Variants in PPP2R1B observed in about 807,000 individuals in gnomAD.
PPP2R1B encodes the protein serine/threonine-protein phosphatase 2A 65 kDa regulatory subunit A beta isoform.
A neutral mutation model predicts 72.7 loss-of-function variants in PPP2R1B; 58 were observed. The ratio of observed to expected loss-of-function variants is 0.80; its 90% CI spans 0.65 to 0.99. PPP2R1B has a LOEUF of 0.99. PPP2R1B is among the 50% of genes least tolerant of loss of function. The pLI is 0.00. For missense variants in PPP2R1B, 695 were observed against 733.6 expected (o/e 0.95, Z 0.61); for synonymous variants, 256 against 264.6 (o/e 0.97, Z 0.32).
chr11:111,704,310 G>GTA, the PPP2R1B span, among the ~76,000 whole-genome samples: 2 of 152,218 alleles, frequency 1.3e-5, no homozygotes, highest in Non-Finnish European at 2.9e-5. Context: ...CATGCCGACT[G>GTA]TCAGGTGGAA....
the PPP2R1B span, among the ~76,000 whole-genome samples, chr11:111,704,278 T>C: frequency 1.3e-5 from 2 of 152,202 alleles, no homozygotes; most frequent in Non-Finnish European, 2.9e-5. Flanking sequence ...GTGCTCTGCA[T>C]CCTGGTGCCC....
chr11:111,743,977 C>T (rs1051645717), intron 11 of PPP2R1B, among the ~76,000 whole-genome samples: 1 of 152,048 alleles, frequency 6.6e-6, no homozygotes, highest in Non-Finnish European at 1.5e-5. Context: ...AGGAAGGCTT[C>T]GGCACAGAAA....
At chr11:111,705,725 A>C in the PPP2R1B span, among the ~76,000 whole-genome samples, 1 of 152,226 alleles carries the variant, frequency 6.6e-6, no homozygotes, top group South Asian at 2.1e-4. This position sits in a 1 kb window ranked among gnomAD's most constrained non-coding sequence, Gnocchi z 4.3. Context: ...GAGTTTACTT[A>C]CAATTCAAGA....
Position 111,749,024 on chromosome 11 carries a change from T to C in PPP2R1B, c.1339-1010A>G, listed in dbSNP as rs553501265. ...ACATGCCCAGCTAATTTTGTATTTT[T>C]AGTAGAGACAGGGTTTCACCATGTT... On this transcript the variant is annotated intron_variant, in intron 10 of 14. Transcript: ENST00000527614. Among the ~76,000 whole-genome samples, 4 of 152,120 alleles carry C rather than the reference T, an allele frequency of 2.6e-5. No individual in the cohort carries two copies. In the East Asian group the frequency reaches 7.8e-4, roughly 30 times the overall value.
the PPP2R1B span, among the ~76,000 whole-genome samples, chr11:111,691,798 C>CTA: frequency 3.5e-4 from 54 of 152,312 alleles, no homozygotes; most frequent in African/African-American, 1.3e-3. Context: ...TGCTCTTGGA[C>CTA]TAAGTCCTGG....
downstream of PPP2R1B, chr11:111,724,315 CAA>C (rs1943901527): frequency 6.0e-6 from 5 of 836,112 alleles, no homozygotes; most frequent in Non-Finnish European, 7.2e-6. Flanking sequence ...TGCCCCACCA[CAA>C]AGTTTTCTGT....
rs989388506 is a variant in PPP2R1B at position 111,726,992 on chromosome 11, T to G, written c.1977A>C (p.Leu659=). The change falls in exon 16 of 16, where the codon CTA becomes CTC. Residue 659 remains leucine (L), a synonymous_variant. Transcript: ENST00000311129. ...AGTCTGTGCTTTGGGAGAAATGCAC[T>G]AGCTCTGCAATTCCCAGCTGGGCAA... is the stretch of plus-strand genomic sequence containing the variant. 8.1e-6 allele frequency: 13 copies of G among 1,614,044 alleles called. No homozygotes were observed. In the African/African-American group the frequency reaches 1.5e-4, roughly 18 times the overall value.
In PPP2R1B at chr11:111,739,776, C is replaced by T. The variant is rs1456882660; in HGVS notation, c.*1820G>A. ...TAACAAAAAATAAAGACTCATGAAA[C>T]TAAAATTAAAATGTTTACAGAATAA... On this transcript the variant is annotated 3_prime_UTR_variant, in exon 15 of 15. Transcript: ENST00000527614. 8 of 971,516 alleles carry T rather than the reference C, an allele frequency of 8.2e-6. No homozygotes were observed. Among genetic ancestry groups the T allele is most frequent in the Non-Finnish European group, 9.8e-6 (8 of 817,426 alleles). The allele number at this position is 971,516 out of a possible 1,614,324, so 60.2% of individuals were successfully genotyped here. A position where few individuals can be genotyped will look rare whatever the true frequency, so the allele number is the denominator to read the frequency against.
At chr11:111,746,061 G>A (rs1315347351) in intron 11 of PPP2R1B, among the ~76,000 whole-genome samples, 2 of 152,224 alleles carry the variant, frequency 1.3e-5, no homozygotes, top group Non-Finnish European at 2.9e-5. Flanking sequence ...AAAGAGGAAG[G>A]AGTAATCAAG....
At chr11:111,758,339 C>A (rs1265236435) in intron 5 of PPP2R1B, among the ~76,000 whole-genome samples, 1 of 152,142 alleles carries the variant, frequency 6.6e-6, no homozygotes, top group African/African-American at 2.4e-5. Flanking sequence ...CGCCTGTAAT[C>A]CCAGCACTTT....
chr11:111,697,221 T>C, the PPP2R1B span, among the ~76,000 whole-genome samples: 1 of 152,330 alleles, frequency 6.6e-6, no homozygotes, highest in South Asian at 2.1e-4. Flanking sequence ...ATAAGGATAC[T>C]TCATAGAACT....
At chr11:111,764,657 G>T in intron 3 of PPP2R1B, 148 bp downstream of exon 3, 1 of 753,822 alleles carries the variant, frequency 1.3e-6, no homozygotes, top group Non-Finnish European at 2.1e-6. Context: ...AGTGCCTACA[G>T]TACTTATTCT....
At chr11:111,765,016 A>C in intron 2 of PPP2R1B, 111 bp from the exon 3 acceptor site, 1 of 1,482,022 alleles carries the variant, frequency 6.7e-7, no homozygotes, top group Non-Finnish European at 9.0e-7. Context: ...GACCCAGTCA[A>C]AATCCTAACA....
rs944766747 is a variant in PPP2R1B at position 111,741,127 on chromosome 11, A to G, written c.*469T>C. ...GCTTTCATTACGGTCAAATCTCAACATGTCTCCCGAAGAGTTTATAAAATA... is the reference window on the plus strand; with the variant it reads ...GCTTTCATTACGGTCAAATCTCAACGTGTCTCCCGAAGAGTTTATAAAATA... On this transcript the variant is annotated 3_prime_UTR_variant, in exon 15 of 15. Transcript: ENST00000527614. The G allele has an allele frequency of 2.0e-6, 2 of 988,330 alleles. No homozygotes were observed. Among genetic ancestry groups the G allele is most frequent in the Non-Finnish European group, 2.4e-6 (2 of 831,620 alleles). The allele number at this position is 988,330 out of a possible 1,614,324, so 61.2% of individuals were successfully genotyped here.
At chr11:111,717,433 T>C in the PPP2R1B span, among the ~76,000 whole-genome samples, 1 of 146,554 alleles carries the variant, frequency 6.8e-6, no homozygotes, top group East Asian at 2.1e-4. Context: ...TATTAAAAAG[T>C]CAACAACAAC....
chr11:111,700,854 G>A, the PPP2R1B span: 1 of 1,611,612 alleles, frequency 6.2e-7, no homozygotes. Context: ...TGAGAGCATA[G>A]ATGAAAATAA....
chr11:111,720,180 T>C, the PPP2R1B span, among the ~76,000 whole-genome samples: 4 of 152,282 alleles, frequency 2.6e-5, no homozygotes, highest in South Asian at 6.2e-4. Flanking sequence ...CAAAGGTGAA[T>C]TGAAATGTCT....
chr11:111,755,724 G>C (rs1483778927), intron 5 of PPP2R1B, among the ~76,000 whole-genome samples: 1 of 151,700 alleles, frequency 6.6e-6, no homozygotes, highest in Non-Finnish European at 1.5e-5. Flanking sequence ...CGAGTAGCTG[G>C]GATTACAGGC....
At chr11:111,763,777 T>G (rs1327776296) in intron 3 of PPP2R1B, among the ~76,000 whole-genome samples, 2 of 152,012 alleles carry the variant, frequency 1.3e-5, no homozygotes, top group Non-Finnish European at 2.9e-5. Context: ...TTGGGTATGT[T>G]AAGTTTGAAA....
Sources: allele counts gnomAD v4.1 joint callset (sites outside exome capture counted in the v4.1 genomes callset), GRCh38; gene constraint gnomAD v4.1.1; non-coding constraint Gnocchi (gnomAD v3.1); transcripts MANE v1.5; gene names NCBI Gene and HGNC (gene_info 2026-07-23, HGNC 2026-07-21).